The following AMPH variants were observed in gnomAD, a reference collection of about 807,000 sequenced individuals.
AMPH encodes the protein amphiphysin (Stiff-Mann syndrome with breast cancer 128kD autoantigen).
AMPH carries 49 observed loss-of-function variants against 99.1 expected under a neutral mutation model. That is an observed-to-expected ratio of 0.49 (90% CI 0.39 to 0.63). AMPH has a LOEUF of 0.63. AMPH is among the 20% of genes least tolerant of loss of function. AMPH has a pLI of 0.00. For synonymous variants in AMPH, 314 were observed against 317.3 expected (o/e 0.99, Z 0.11); for missense variants, 759 against 863.4 (o/e 0.88, Z 1.52).
chr7:38,424,050 T>C (rs1785691978), intron 15 of AMPH, among the ~76,000 whole-genome samples: 1 of 152,094 alleles, frequency 6.6e-6, no homozygotes, highest in South Asian at 2.1e-4. Flanking sequence ...ATTACACTAG[T>C]AGTCAGACTT....
At chr7:38,466,976 C>T (rs1045364612) in intron 7 of AMPH, among the ~76,000 whole-genome samples, 1 of 152,150 alleles carries the variant, frequency 6.6e-6, no homozygotes, top group Non-Finnish European at 1.5e-5. Context: ...GTGACCCTGA[C>T]TTCATATATT....
intron 17 of AMPH, among the ~76,000 whole-genome samples, chr7:38,416,101 G>GAA (rs1785375162): frequency 2.8e-5 from 1 of 36,324 alleles, no homozygotes; most frequent in Admixed American, 3.4e-4. Flanking sequence ...TCAAACATAT[G>GAA]AATATATATA....
chr7:38,426,322 A>C (rs1159274601), intron 15 of AMPH, among the ~76,000 whole-genome samples: 1 of 152,170 alleles, frequency 6.6e-6, no homozygotes, highest in Non-Finnish European at 1.5e-5. Context: ...ACCTGTTGGG[A>C]CATACACATA....
chr7:38,412,942 G>A (rs1272954043), intron 17 of AMPH, among the ~76,000 whole-genome samples: 1 of 152,164 alleles, frequency 6.6e-6, no homozygotes, highest in Non-Finnish European at 1.5e-5. Flanking sequence ...GGAACCACAT[G>A]GAAATTTGTG....
chr7:38,582,555 C>G lies in AMPH; in HGVS notation c.70-47544G>C, dbSNP rs77591175. Among the ~76,000 whole-genome samples, 135 of 152,312 alleles carry G rather than the reference C, an allele frequency of 8.9e-4. 1 individual carries two copies. In the East Asian group the frequency reaches 0.022, roughly 25 times the overall value. On this transcript the variant is annotated intron_variant, in intron 1 of 20. Coordinates refer to ENST00000356264, the MANE Select transcript of AMPH (RefSeq NM_001635.4). ...ACATATAGATGACATCCTGTACTGA[C>G]AGCTAATGAGATGTGTGCTTGTGTA...
Position 38,391,930 on chromosome 7 carries a change from T to C in AMPH, c.1696A>G (p.Lys566Glu), listed in dbSNP as rs1227070067. ...ENEITIGAEP[K>E]ETTEDAAPPG... is the part of the protein sequence containing the mutation. The stretch of plus-strand genomic sequence containing the variant: ...GGAGCCGCGTCCTCGGTGGTCTCCT[T>C]GGGCTCTGCACCTATAGTTATTTCG... Residue 566 changes from lysine to glutamate, a missense_variant, in exon 19 of 21, where the codon AAG becomes GAG. By Grantham distance (56) the Lys-to-Glu change is moderately conservative. Coordinates refer to ENST00000356264, the MANE Select transcript of AMPH (RefSeq NM_001635.4). 13 of 1,612,808 alleles carry C rather than the reference T, an allele frequency of 8.1e-6. No individual in the cohort carries two copies. Among genetic ancestry groups the C allele is most frequent in the Non-Finnish European group, 1.1e-5 (13 of 1,179,972 alleles).
intron 1 of AMPH, among the ~76,000 whole-genome samples, chr7:38,574,739 T>C (rs896543383): frequency 6.6e-5 from 10 of 152,256 alleles, no homozygotes; most frequent in South Asian, 2.1e-4. Flanking sequence ...AAATTTATCA[T>C]TCAATACTAT....
intron 1 of AMPH, among the ~76,000 whole-genome samples, chr7:38,535,485 A>T (rs1790564690): frequency 6.6e-6 from 1 of 152,150 alleles, no homozygotes; most frequent in African/African-American, 2.4e-5. Flanking sequence ...CATGGAAGAC[A>T]ATTTTTCCAC....
At chr7:38,562,668 G>A (rs1165374775) in intron 1 of AMPH, among the ~76,000 whole-genome samples, 1 of 151,792 alleles carries the variant, frequency 6.6e-6, no homozygotes, top group Non-Finnish European at 1.5e-5. Context: ...GGGAGAAGAG[G>A]GGAGGGAGAG....
intron 5 of AMPH, among the ~76,000 whole-genome samples, chr7:38,480,816 G>A (rs1788257461): frequency 6.6e-6 from 1 of 152,102 alleles, no homozygotes; most frequent in Non-Finnish European, 1.5e-5. Context: ...AGTGGCCTAC[G>A]TAACTATATG....
At chr7:38,544,542 A>C (rs963968693) in intron 1 of AMPH, among the ~76,000 whole-genome samples, 5 of 152,220 alleles carry the variant, frequency 3.3e-5, no homozygotes, top group African/African-American at 7.2e-5. Context: ...TCAGGATGGG[A>C]GGAAGGGTCT....
At chr7:38,610,748 C>A (rs1221019103) in intron 1 of AMPH, among the ~76,000 whole-genome samples, 2 of 152,142 alleles carry the variant, frequency 1.3e-5, no homozygotes, top group Non-Finnish European at 2.9e-5. Flanking sequence ...TCTTGATTTG[C>A]CCTATAAATA....
At chr7:38,437,625 C>CAAAAAAAAAAAAAAAAAA (rs70977404) in intron 11 of AMPH, among the ~76,000 whole-genome samples, 2 of 94,858 alleles carry the variant, frequency 2.1e-5, no homozygotes, top group Non-Finnish European at 3.9e-5. Flanking sequence ...ACTAAAAATA[C>CAAAAAAAAAAAAAAAAAA]AAAAAAAAAA....
chr7:38,455,093 T>C (rs1688526521), intron 11 of AMPH, among the ~76,000 whole-genome samples: 1 of 151,900 alleles, frequency 6.6e-6, no homozygotes, highest in African/African-American at 2.4e-5. Context: ...TTTTTTTTTT[T>C]CCTGAGATGG....
rs780619064 is a variant in AMPH, at chr7:38,436,394, A to T, written c.1018-6T>A. The T allele has an allele frequency of 1.9e-6, 3 of 1,605,688 alleles. No homozygotes were observed. Among genetic ancestry groups the T allele is most frequent in the East Asian group, 2.2e-5 (1 of 44,848 alleles). ...TTCACCTCAGGGACTTCATTCTGTTAAAGCAAACAACAAAACAAAATAAAA... is the reference window on the plus strand; with the variant it reads ...TTCACCTCAGGGACTTCATTCTGTTTAAGCAAACAACAAAACAAAATAAAA... On this transcript the variant is annotated splice_polypyrimidine_tract_variant and splice_region_variant and intron_variant, in intron 11 of 20. Coordinates refer to ENST00000356264, the MANE Select transcript of AMPH (RefSeq NM_001635.4).
At chr7:38,538,523 G>A (rs937730325) in intron 1 of AMPH, among the ~76,000 whole-genome samples, 2 of 152,172 alleles carry the variant, frequency 1.3e-5, no homozygotes, top group South Asian at 2.1e-4. Context: ...TGATTTTCTT[G>A]TACAGACCAT....
intron 17 of AMPH, among the ~76,000 whole-genome samples, chr7:38,407,490 GA>G: frequency 6.6e-6 from 1 of 152,050 alleles, no homozygotes; most frequent in East Asian, 1.9e-4. Context: ...CTGAAGGTTG[GA>G]AAATTATCTA....
intron 1 of AMPH, among the ~76,000 whole-genome samples, chr7:38,596,416 G>T (rs1387191904): frequency 1.3e-5 from 2 of 152,148 alleles, no homozygotes; most frequent in Non-Finnish European, 2.9e-5. Context: ...GTCCTATCAG[G>T]CAAGAAGTAT....
chr7:38,557,764 A>C (rs1378817298), intron 1 of AMPH, among the ~76,000 whole-genome samples: 1 of 152,180 alleles, frequency 6.6e-6, no homozygotes, highest in Non-Finnish European at 1.5e-5. Flanking sequence ...AGACAGTTAA[A>C]AAAAATTGAA....
Sources: gnomAD v4.1 joint callset for allele counts (sites outside exome capture counted in the v4.1 genomes callset) on GRCh38, gnomAD v4.1.1 for gene constraint, MANE v1.5 for transcripts, NCBI Gene and HGNC (gene_info 2026-07-23, HGNC 2026-07-21) for gene names.